Variants in AGBL5 observed in about 807,000 individuals in gnomAD.
AGBL5 encodes AGBL carboxypeptidase 5.
Under a neutral mutation model 88.0 loss-of-function variants are expected in AGBL5, and 51 were observed. The ratio of observed to expected loss-of-function variants is 0.58; its 90% CI spans 0.46 to 0.73. The LOEUF is 0.73. Ranked by LOEUF, AGBL5 falls within the 30% of genes least tolerant of loss-of-function variation. The probability of loss-of-function intolerance (pLI) is 0.00; values close to 1 mark genes in which losing one functional copy is unlikely to be tolerated. For synonymous variants in AGBL5, 446 were observed against 438.8 expected (o/e 1.02, Z -0.21); for missense variants, 1,031 against 1,162.2 (o/e 0.89, Z 1.64).
At chr2:27,064,655 G>GCTTCCATC (rs1281183105) in intron 11 of AGBL5, among the ~76,000 whole-genome samples, 1 of 149,798 alleles carries the variant, frequency 6.7e-6, no homozygotes, top group Non-Finnish European at 1.5e-5. Flanking sequence ...TAATAGAGTA[G>GCTTCCATC]CTTCCATCCT....
At chr2:27,068,005 C>T (rs1183789923) in intron 12 of AGBL5, among the ~76,000 whole-genome samples, 8 of 152,190 alleles carry the variant, frequency 5.3e-5, no homozygotes, top group South Asian at 4.1e-4. Context: ...AAAAGCATGA[C>T]GGTACTTTCT....
upstream of AGBL5, among the ~76,000 whole-genome samples, chr2:27,050,781 G>T (rs575873527): frequency 6.6e-6 from 1 of 152,224 alleles, no homozygotes; most frequent in Non-Finnish European, 1.5e-5. Context: ...TCGCAGCGGA[G>T]CCTTCGATAG....
intron 11 of AGBL5, among the ~76,000 whole-genome samples, chr2:27,064,026 T>C (rs879475600): frequency 6.6e-6 from 1 of 152,230 alleles, no homozygotes; most frequent in African/African-American, 2.4e-5. Flanking sequence ...GGTTTCAGCA[T>C]GCCTGTGTGT....
rs563277122 is a variant in AGBL5, at chr2:27,054,784, C to T, written c.706C>T (p.Pro236Ser). The change falls in exon 5 of 15, where the codon CCA (proline) becomes TCA (serine). Residue 236 changes from proline (P) to serine (S), a missense_variant. Physicochemically the swap from Pro to Ser is moderately conservative, Grantham distance 74. Transcript: ENST00000360131. ...QLFPDTSTPR[P>S]FRFAGKRIFF... is the part of the protein sequence containing the mutation. ...ATTTCCTGATACCAGCACCCCTCGA[C>T]CATTCCGTTTCGCAGGCAAGAGGGT... 5 of 1,613,028 alleles carry T rather than the reference C, an allele frequency of 3.1e-6. No individual in the cohort carries two copies. In the South Asian group the frequency reaches 5.5e-5, roughly 18 times the overall value.
intron 9 of AGBL5, 77 bp from the exon 10 acceptor site, chr2:27,058,323 T>C (rs979617474): frequency 3.3e-6 from 5 of 1,534,960 alleles, no homozygotes; most frequent in Non-Finnish European, 4.5e-6. Flanking sequence ...TCCCTTCCAC[T>C]GTGCTGTGTA....
chr2:27,054,417 C>T (rs1668325953), intron 4 of AGBL5: 2 of 588,996 alleles, frequency 3.4e-6, no homozygotes, highest in Non-Finnish European at 5.9e-6. Context: ...AAGCCACAAA[C>T]TGGGGAACAA....
intron 13 of AGBL5, 154 bp from the exon 14 acceptor site, chr2:27,069,419 T>G: frequency 1.0e-6 from 1 of 985,446 alleles, no homozygotes; most frequent in Non-Finnish European, 1.2e-6. Context: ...CTGGCTATTA[T>G]CTTGCCTCAC....
chr2:27,056,969 C>A, intron 8 of AGBL5, 177 bp downstream of exon 8: 1 of 643,908 alleles, frequency 1.6e-6, no homozygotes, highest in Non-Finnish European at 2.4e-6. Flanking sequence ...GCACTCCAGC[C>A]TGGGCAACAA....
Position 27,069,798 on chromosome 2 carries a change from C to G in AGBL5, c.2489+92C>G, listed in dbSNP as rs754286714. ...TTCAGAATAATTTTCTGCTTCCCTA[C>G]TCCTTTTGAGCACAAAGACTAAATG... On this transcript the variant is annotated intron_variant, in intron 14 of 14. Coordinates refer to ENST00000360131, the MANE Select transcript of AGBL5 (RefSeq NM_021831.6). The G allele has an allele frequency of 6.4e-4, 978 of 1,517,570 alleles. 1 individual carries two copies. Among genetic ancestry groups the G allele is most frequent in the Non-Finnish European group, 8.3e-4 (938 of 1,131,136 alleles). The allele number at this position is 1,517,570 out of a possible 1,614,324, so 94.0% of individuals were successfully genotyped here.
At position 27,053,618 on chromosome 2, in the gene AGBL5, T is replaced by G. The variant is rs779849564; in HGVS notation, c.387+45T>G. 1.9e-6 allele frequency: 3 copies of G among 1,575,418 alleles called. No individual in the cohort carries two copies. Among genetic ancestry groups the G allele is most frequent in the South Asian group, 2.3e-5 (2 of 85,626 alleles). ...GAAAGAAAGACTTGGGTGCTAAAAG[T>G]AGAGAGGAAAGTAAAGCGTTTTTTT... On this transcript the variant is annotated intron_variant, in intron 3 of 14. Transcript: ENST00000360131. This position sits in a 1 kb window ranked among gnomAD's most constrained non-coding sequence, Gnocchi z 4.9.
At chr2:27,054,098 A>T (rs901414966) in intron 4 of AGBL5, 39 bp downstream of exon 4, 1 of 1,567,830 alleles carries the variant, frequency 6.4e-7, no homozygotes, top group Non-Finnish European at 8.7e-7. Flanking sequence ...ACAGTCCTGG[A>T]TCAGACAGCA....
chr2:27,057,322 T>G lies in AGBL5; in HGVS notation c.1555T>G (p.Tyr519Asp). Residue 519 changes from tyrosine to aspartate, a missense_variant, in exon 9 of 15, where the codon TAC becomes GAC. Transcript: ENST00000360131. ...IIHSYTLECN[Y>D]NTGRSVNSIP... Reference sequence around the variant, plus strand: ...TCTTAGCTACACACTTGAATGCAACTACAACACTGGACGCTCAGTAAACAG... The same window carrying G: ...TCTTAGCTACACACTTGAATGCAACGACAACACTGGACGCTCAGTAAACAG... The G allele has an allele frequency of 6.2e-7, 1 of 1,613,798 alleles. No individual in the cohort carries two copies. Among genetic ancestry groups the G allele is most frequent in the Non-Finnish European group, 8.5e-7 (1 of 1,179,866 alleles).
upstream of AGBL5, among the ~76,000 whole-genome samples, chr2:27,051,249 C>T (rs952897218): frequency 1.3e-5 from 2 of 152,238 alleles, no homozygotes; most frequent in Non-Finnish European, 2.9e-5. Flanking sequence ...GCTCGCTTAG[C>T]ATGCGAGAGG....
chr2:27,069,696 G>C lies in AGBL5; in HGVS notation c.2479G>C (p.Ala827Pro). The C allele has an allele frequency of 1.9e-6, 3 of 1,614,036 alleles. No homozygotes were observed. Among genetic ancestry groups the C allele is most frequent in the Non-Finnish European group, 2.5e-6 (3 of 1,179,960 alleles). Reference protein sequence around the residue: ...SSELELGSCSATPGLPQARPP... With the variant: ...SSELELGSCSPTPGLPQARPP... ...TGAGCTGGAGCTGGGATCCTGCTCT[G>C]CTACACCAGGGTGAGCACTTGGGTC... The change falls in exon 14 of 15, where the codon GCT (alanine) becomes CCT (proline). Residue 827 changes from alanine to proline, a missense_variant. By Grantham distance (27) the Ala-to-Pro change is conservative (BLOSUM62 -1). Around this residue, in one of 2 missense-constraint regions of AGBL5, gnomAD observed 491 missense variants for 484.0 expected, o/e 1.01. Coordinates refer to ENST00000360131, the MANE Select transcript of AGBL5 (RefSeq NM_021831.6).
intron 8 of AGBL5, 116 bp from the exon 9 acceptor site, chr2:27,057,187 C>A: frequency 8.4e-7 from 1 of 1,193,750 alleles, no homozygotes; most frequent in Non-Finnish European, 1.2e-6. Context: ...TTAGCACTTT[C>A]ATTTGTGTTC....
intron 11 of AGBL5, 91 bp downstream of exon 11, chr2:27,059,495 A>G: frequency 6.3e-7 from 1 of 1,580,884 alleles, no homozygotes; most frequent in Non-Finnish European, 8.6e-7. Flanking sequence ...CTGTTGGCCC[A>G]GGACCAAGGG....
chr2:27,069,486 T>C, intron 13 of AGBL5, 87 bp from the exon 14 acceptor site: 2 of 1,561,934 alleles, frequency 1.3e-6, no homozygotes, highest in Non-Finnish European at 1.7e-6. Context: ...ACTACAACAC[T>C]CTTATGCATG....
chr2:27,050,876 T>G (rs763829340), upstream of AGBL5: 12 of 152,134 alleles, frequency 7.9e-5, no homozygotes, highest in Non-Finnish European at 1.5e-4. Context: ...AAGGACTTCG[T>G]CTGTAATTTT....
chr2:27,070,511 G>C lies in AGBL5; in HGVS notation c.*248G>C. On this transcript the variant is annotated 3_prime_UTR_variant, in exon 15 of 15. Transcript: ENST00000360131. Reference sequence around the variant, plus strand: ...AAAAAAGTCTATATTTTTATATTGGGGGGAGGGAGTAGAAAAGCAAGCCCC... The same window carrying C: ...AAAAAAGTCTATATTTTTATATTGGCGGGAGGGAGTAGAAAAGCAAGCCCC... 1 of 483,484 alleles carries C rather than the reference G, an allele frequency of 2.1e-6. No homozygotes were observed. The highest frequency in any genetic ancestry group is 3.4e-5 in the Admixed American group (1 of 29,830). 29.9% of individuals were successfully genotyped at this position (483,484 alleles called of 1,614,324 possible).
Sources: allele counts gnomAD v4.1 joint callset (sites outside exome capture counted in the v4.1 genomes callset), GRCh38; gene constraint gnomAD v4.1.1; regional missense constraint gnomAD v4.1.1; non-coding constraint Gnocchi (gnomAD v3.1); transcripts MANE v1.5; gene names NCBI Gene and HGNC (gene_info 2026-07-23, HGNC 2026-07-21).